Variants in SP140 observed in about 807,000 individuals in gnomAD.
The protein encoded by SP140 is nuclear body protein SP140.
Under a neutral mutation model 125.0 loss-of-function variants are expected in SP140, and 81 were observed. The observed-to-expected ratio is 0.65, with a 90% confidence interval of 0.54 to 0.78. SP140 has a LOEUF of 0.78. Among genes scored for constraint, SP140 ranks in the 30% least tolerant of loss-of-function variants. The pLI, the probability that SP140 is intolerant of heterozygous loss-of-function variation, is 0.00. For synonymous variants in SP140, 312 were observed against 354.0 expected (o/e 0.88, Z 1.33); for missense variants, 858 against 1,037.0 (o/e 0.83, Z 2.37).
the SP140 span, among the ~76,000 whole-genome samples, chr2:230,195,623 C>A: frequency 1.4e-4 from 21 of 152,144 alleles, no homozygotes; most frequent in South Asian, 3.9e-3. Flanking sequence ...AGCCGGCATG[C>A]CTTATTAATT....
chr2:230,209,060 TTTTTG>T (rs2044184523), intron 1 of SP140, among the ~76,000 whole-genome samples: 3 of 152,204 alleles, frequency 2.0e-5, no homozygotes, highest in African/African-American at 7.2e-5. Context: ...GAAAAATATA[TTTTTG>T]ATTCTTTTTC....
At chr2:230,282,835 A>ATTAGTAAGGGAG (rs1391533347) in intron 15 of SP140, among the ~76,000 whole-genome samples, 32 of 152,218 alleles carry the variant, frequency 2.1e-4, no homozygotes, top group East Asian at 5.8e-4. Context: ...TGGGATGTAC[A>ATTAGTAAGGGAG]TTAGTAAGGG....
chr2:230,231,241 C>T (rs2047189747), intron 1 of SP140, among the ~76,000 whole-genome samples: 1 of 152,128 alleles, frequency 6.6e-6, no homozygotes, highest in Non-Finnish European at 1.5e-5. Flanking sequence ...CTTGAAAATC[C>T]ATCATATCTG....
chr2:230,298,247 G>T (rs909693858), intron 22 of SP140, among the ~76,000 whole-genome samples: 1 of 152,154 alleles, frequency 6.6e-6, no homozygotes, highest in African/African-American at 2.4e-5. Flanking sequence ...ATCGTGATTT[G>T]ATTCTTTTCA....
chr2:230,284,363 G>C lies in SP140; in HGVS notation c.1516G>C (p.Gly506Arg). 1 of 1,606,802 alleles carries C rather than the reference G, an allele frequency of 6.2e-7. No homozygotes were observed. The highest frequency in any genetic ancestry group is 8.5e-7 in the Non-Finnish European group (1 of 1,176,706). ...GTTTGAAGGAAAAAAGAGGGGGCAT[G>C]GCTGGAGCAGAATGAGAATGAGAAG... ...KRKRRKKRGH[G>R]WSRMRMRRQE... Residue 506 changes from glycine (G) to arginine (R), a missense_variant, in exon 16 of 27, where the codon GGC (glycine) becomes CGC (arginine). Gly to Arg is a moderately radical substitution (Grantham distance 125, BLOSUM62 -2). Coordinates refer to ENST00000392045, the MANE Select transcript of SP140 (RefSeq NM_007237.5).
chr2:230,207,095 TG>T, intron 1 of SP140, among the ~76,000 whole-genome samples: 1 of 152,190 alleles, frequency 6.6e-6, no homozygotes, highest in Non-Finnish European at 1.5e-5. Flanking sequence ...AAGGTTAGGA[TG>T]GAGAGCTTTG....
At chr2:230,227,607 A>G (rs1559204897) in intron 1 of SP140, among the ~76,000 whole-genome samples, 4 of 152,196 alleles carry the variant, frequency 2.6e-5, no homozygotes, top group Admixed American at 2.6e-4. Flanking sequence ...AAATTTCTTT[A>G]ATAGATGTAG....
chr2:230,273,534 G>A (rs2149370745), intron 15 of SP140, among the ~76,000 whole-genome samples: 1 of 152,304 alleles, frequency 6.6e-6, no homozygotes, highest in Middle Eastern at 3.4e-3. Context: ...GGAAGACAGT[G>A]TGGCAATTCC....
chr2:230,200,928 C>T, upstream of SP140: 1 of 1,613,988 alleles, frequency 6.2e-7, no homozygotes, highest in Non-Finnish European at 8.5e-7. Context: ...TCTGGGACCT[C>T]TTTCCTTCAT....
chr2:230,270,749 G>A, intron 15 of SP140, 110 bp downstream of exon 15: 4 of 1,062,068 alleles, frequency 3.8e-6, no homozygotes, highest in Non-Finnish European at 5.7e-6. Flanking sequence ...TAATACTGTG[G>A]TAGACAGAAG....
chr2:230,217,439 A>G (rs1439161969), intron 3 of SP140, among the ~76,000 whole-genome samples: 1 of 152,152 alleles, frequency 6.6e-6, no homozygotes, highest in Non-Finnish European at 1.5e-5. Context: ...GGAGGCTGAG[A>G]GTGACTGAAA....
intron 15 of SP140, among the ~76,000 whole-genome samples, chr2:230,275,077 T>C (rs1360544200): frequency 6.6e-6 from 1 of 152,156 alleles, no homozygotes; most frequent in East Asian, 1.9e-4. Flanking sequence ...TACGAGTGCC[T>C]GGAACTTATA....
chr2:230,315,309 G>T (rs1420326369), downstream of SP140, among the ~76,000 whole-genome samples: 1 of 152,166 alleles, frequency 6.6e-6, no homozygotes, highest in East Asian at 1.9e-4. Flanking sequence ...TCACGGGAGG[G>T]CTCTATGGCC....
chr2:230,290,517 C>T lies in SP140; in HGVS notation c.1778C>T (p.Thr593Ile), dbSNP rs2056994800. The change falls in exon 19 of 27, where the codon ACC (threonine) becomes ATC (isoleucine). Residue 593 changes from threonine (T) to isoleucine (I), a missense_variant. Thr to Ile is a moderately conservative substitution (Grantham distance 89, BLOSUM62 -1). Around this residue, in one of 4 missense-constraint regions of SP140, gnomAD observed 791 missense variants for 869.5 expected, o/e 0.91. Transcript: ENST00000392045. ...VDFKAPLLPV[T>I]CGGVKGILHK... Reference sequence around the variant, plus strand: ...TTTAAGGCTCCTTTGCTTCCAGTGACCTGTGGTGGGGTGAAGGGAATTTTA... The same window carrying T: ...TTTAAGGCTCCTTTGCTTCCAGTGATCTGTGGTGGGGTGAAGGGAATTTTA... 2 of 1,613,790 alleles carry T rather than the reference C, an allele frequency of 1.2e-6. No homozygotes were observed. The highest frequency in any genetic ancestry group is 1.7e-5 in the Admixed American group (1 of 59,960).
At chr2:230,232,182 AGATT>A (rs2047357008) in intron 1 of SP140, among the ~76,000 whole-genome samples, 2 of 152,188 alleles carry the variant, frequency 1.3e-5, no homozygotes, top group African/African-American at 2.4e-5. Context: ...AAGGATAAAG[AGATT>A]TTTCTTGGGG....
chr2:230,255,544 G>GTT lies in SP140; in HGVS notation c.1240+12_1240+13insTT. On this transcript the variant is annotated intron_variant, in intron 12 of 26. Coordinates refer to ENST00000392045, the MANE Select transcript of SP140 (RefSeq NM_007237.5). ...AAGACGTGGGTCAGGTAAGGACGGGGGGGGGGATTTCTGGCCCTGGGCTGC... is the reference window on the plus strand; with the variant it reads ...AAGACGTGGGTCAGGTAAGGACGGGGTTGGGGGGATTTCTGGCCCTGGGCTGC... 6.2e-7 allele frequency: 1 copy of GTT among 1,610,244 alleles called. No individual in the cohort carries two copies. The highest frequency in any genetic ancestry group is 1.3e-5 in the African/African-American group (1 of 74,844).
chr2:230,297,204 T>C (rs2057818267), intron 21 of SP140, among the ~76,000 whole-genome samples: 1 of 152,200 alleles, frequency 6.6e-6, no homozygotes. Context: ...TGGTAAAATC[T>C]CTAGTTTCAT....
At chr2:230,204,251 C>A (rs748003422) in intron 1 of SP140, among the ~76,000 whole-genome samples, 1 of 152,138 alleles carries the variant, frequency 6.6e-6, no homozygotes, top group Non-Finnish European at 1.5e-5. Context: ...AGAGGTTTCC[C>A]CTCTCTAACA....
chr2:230,250,589 G>A (rs2050209122), intron 9 of SP140, among the ~76,000 whole-genome samples: 1 of 152,168 alleles, frequency 6.6e-6, no homozygotes, highest in Non-Finnish European at 1.5e-5. Context: ...GATGGGGAAA[G>A]CCAATAAAAA....
Sources: gnomAD v4.1 joint callset for allele counts (sites outside exome capture counted in the v4.1 genomes callset) on GRCh38, gnomAD v4.1.1 for gene constraint, gnomAD v4.1.1 regional missense constraint, MANE v1.5 for transcripts, NCBI Gene and HGNC (gene_info 2026-07-23, HGNC 2026-07-21) for gene names.